Variants in DTWD2 observed in about 807,000 individuals in gnomAD.
DTWD2 encodes the protein tRNA-uridine aminocarboxypropyltransferase 2.
A neutral mutation model predicts 31.8 loss-of-function variants in DTWD2; 39 were observed. The ratio of observed to expected loss-of-function variants is 1.22; its 90% confidence interval spans 0.95 to 1.60. DTWD2 has a LOEUF of 1.60. Among genes scored for constraint, DTWD2 ranks in the 40% most tolerant of loss-of-function variants. The pLI is 0.00. For missense variants in DTWD2, 515 were observed against 381.5 expected (o/e 1.35, Z -2.92); for synonymous variants, 180 against 142.8 (o/e 1.26, Z -1.86).
chr5:118,893,061 T>C (rs1181906850), intron 4 of DTWD2, among the ~76,000 whole-genome samples: 3 of 151,908 alleles, frequency 2.0e-5, no homozygotes, highest in African/African-American at 4.8e-5. Flanking sequence ...TATACAGTAC[T>C]GTACTTCTAT....
At chr5:118,879,609 C>CAAAAAAAA (rs775009585) in intron 4 of DTWD2, among the ~76,000 whole-genome samples, 5 of 36,194 alleles carry the variant, frequency 1.4e-4, no homozygotes, top group African/African-American at 3.0e-4. Flanking sequence ...GACTACAGCT[C>CAAAAAAAA]AAAAAAAAAA....
chr5:118,888,170 A>C (rs1347150042), intron 4 of DTWD2, among the ~76,000 whole-genome samples: 1 of 152,224 alleles, frequency 6.6e-6, no homozygotes, highest in Non-Finnish European at 1.5e-5. Context: ...TATACCTGTG[A>C]AATCATCACT....
chr5:118,951,970 G>A (rs1052153968), intron 1 of DTWD2, among the ~76,000 whole-genome samples: 9 of 152,104 alleles, frequency 5.9e-5, no homozygotes, highest in Non-Finnish European at 1.0e-4. Flanking sequence ...TTAGGTTCAC[G>A]GATAAAACGC....
At chr5:118,912,887 T>C (rs1753489667) in intron 4 of DTWD2, among the ~76,000 whole-genome samples, 3 of 152,188 alleles carry the variant, frequency 2.0e-5, no homozygotes, top group African/African-American at 7.2e-5. Flanking sequence ...AATGGATCTA[T>C]ATTGAAAACA....
intron 4 of DTWD2, among the ~76,000 whole-genome samples, chr5:118,898,377 G>A (rs917714713): frequency 1.2e-4 from 18 of 151,802 alleles, no homozygotes; most frequent in African/African-American, 4.4e-4. Context: ...AAATTTTATG[G>A]CCGAGCACAG....
chr5:118,927,102 G>C (rs1753826019), intron 4 of DTWD2, among the ~76,000 whole-genome samples: 2 of 152,260 alleles, frequency 1.3e-5, no homozygotes, highest in African/African-American at 4.8e-5. Context: ...GAGACGGAGA[G>C]AGACAGAGAG....
At chr5:118,903,011 C>T (rs558181298) in intron 4 of DTWD2, among the ~76,000 whole-genome samples, 1 of 152,034 alleles carries the variant, frequency 6.6e-6, no homozygotes, top group African/African-American at 2.4e-5. Context: ...GATTTTAGTA[C>T]TAATAAATTT....
chr5:118,956,657 T>C lies in DTWD2; in HGVS notation c.219-12008A>G, dbSNP rs143729890. On this transcript the variant is annotated intron_variant, in intron 1 of 5. Transcript: ENST00000510708. ...CTGATTTTAATCAAGGTGATTCAAA[T>C]AAGTAAACTTTAAAGATTAGTGAAC... Among the ~76,000 whole-genome samples the C allele has an allele frequency of 1.1e-4, 17 of 152,352 alleles. No homozygotes were observed. The East Asian group carries it at 3.1e-3, about 28-fold the overall frequency.
In DTWD2 at chr5:118,915,522, A is replaced by C. The variant is rs548487626; in HGVS notation, c.597+13015T>G. 4.6e-3 allele frequency among the ~76,000 whole-genome samples: 696 copies of C among 151,928 alleles called. 10 individuals are homozygous for C. Among genetic ancestry groups the C allele is most frequent in the African/African-American group, 0.016 (645 of 41,454 alleles). On this transcript the variant is annotated intron_variant, in intron 4 of 5. Transcript: ENST00000510708. ...CCCTAGCAGCTGGGAATACAGGCGC[A>C]CACCACCACACCTGGCTAATTTTTT... is the stretch of plus-strand genomic sequence containing the variant.
chr5:118,892,390 A>T (rs2149560872), intron 4 of DTWD2, among the ~76,000 whole-genome samples: 1 of 152,276 alleles, frequency 6.6e-6, no homozygotes, highest in East Asian at 1.9e-4. Context: ...ACTCAGAAGC[A>T]AAAGTATATC....
chr5:118,935,920 A>C (rs1207531616), intron 3 of DTWD2, among the ~76,000 whole-genome samples: 1 of 152,230 alleles, frequency 6.6e-6, no homozygotes, highest in East Asian at 1.9e-4. Context: ...GTAACACTAC[A>C]TCTGACAACT....
intron 4 of DTWD2, among the ~76,000 whole-genome samples, chr5:118,908,656 CAA>C (rs771874998): frequency 2.5e-4 from 33 of 133,226 alleles, no homozygotes; most frequent in Non-Finnish European, 2.9e-4. Flanking sequence ...CCACCACCAC[CAA>C]AAAAAAAAAA....
Position 118,988,290 on chromosome 5 carries a change from T to A in DTWD2, c.218+4A>T. 6.6e-7 allele frequency: 1 copy of A among 1,523,356 alleles called. No individual in the cohort carries two copies. The highest frequency in any genetic ancestry group is 8.8e-7 in the Non-Finnish European group (1 of 1,139,996). 94.4% of individuals were successfully genotyped at this position (1,523,356 alleles called of 1,614,324 possible). A position where few individuals can be genotyped will look rare whatever the true frequency, so the allele number is the denominator to read the frequency against. ...GCAGTCCCCGCCCCCAGCCCCGCGGTCACCTGCAGCGGGTGCACTCAGGCC... is the reference window on the plus strand; with the variant it reads ...GCAGTCCCCGCCCCCAGCCCCGCGGACACCTGCAGCGGGTGCACTCAGGCC... On this transcript the variant is annotated splice_donor_region_variant and intron_variant, in intron 1 of 5. Coordinates refer to ENST00000510708, the MANE Select transcript of DTWD2 (RefSeq NM_173666.4).
chr5:118,932,439 A>G (rs534004423), intron 3 of DTWD2, among the ~76,000 whole-genome samples: 1 of 152,310 alleles, frequency 6.6e-6, no homozygotes, highest in South Asian at 2.1e-4. Flanking sequence ...CAAAATAGGA[A>G]GACAACAGAA....
At chr5:118,982,721 C>T (rs1755332658) in intron 1 of DTWD2, among the ~76,000 whole-genome samples, 1 of 135,252 alleles carries the variant, frequency 7.4e-6, no homozygotes, top group Non-Finnish European at 1.5e-5. Context: ...CGGAGTTTCG[C>T]TCTGTCGCCG....
At chr5:118,850,938 G>A (rs1561425562) in intron 4 of DTWD2, among the ~76,000 whole-genome samples, 2 of 152,092 alleles carry the variant, frequency 1.3e-5, no homozygotes. Context: ...TTAATCTTTA[G>A]AGAAATGCAA....
chr5:118,957,621 T>C (rs1315907106), intron 1 of DTWD2, among the ~76,000 whole-genome samples: 1 of 152,152 alleles, frequency 6.6e-6, no homozygotes, highest in African/African-American at 2.4e-5. Context: ...TTTGTTTTTC[T>C]TTTTGCGAAT....
Position 118,925,702 on chromosome 5 carries a change from G to A in DTWD2, c.597+2835C>T, listed in dbSNP as rs369933698. Among the ~76,000 whole-genome samples the A allele has an allele frequency of 8.7e-3, 1,309 of 151,240 alleles. 16 individuals are homozygous for A. The highest frequency in any genetic ancestry group is 0.03 in the African/African-American group (1,214 of 40,732). On this transcript the variant is annotated intron_variant, in intron 4 of 5. Transcript: ENST00000510708. ...CTACTAAAAATACAAAAAATTAGCC[G>A]GGCGCAGTGGCGGGTACCTGTAGTC...
chr5:118,878,324 A>G (rs990119173), intron 4 of DTWD2, among the ~76,000 whole-genome samples: 1 of 152,154 alleles, frequency 6.6e-6, no homozygotes, highest in African/African-American at 2.4e-5. Context: ...ACATAAACCA[A>G]TGGAACAGAG....
Sources: allele counts gnomAD v4.1 joint callset (sites outside exome capture counted in the v4.1 genomes callset), GRCh38; gene constraint gnomAD v4.1.1; transcripts MANE v1.5; gene names NCBI Gene and HGNC (gene_info 2026-07-23, HGNC 2026-07-21).